Variants in TET1 observed in about 807,000 individuals in gnomAD.
The protein encoded by TET1 is methylcytosine dioxygenase TET1.
TET1 carries 13 observed loss-of-function variants against 148.7 expected under a neutral mutation model. The observed-to-expected ratio is 0.09, with a 90% confidence interval of 0.06 to 0.14. The LOEUF (loss-of-function observed/expected upper bound fraction) is 0.14, where lower values mean the gene tolerates loss of function less well. Ranked by LOEUF, TET1 falls within the 10% of genes least tolerant of loss-of-function variation. TET1 has a pLI of 1.00. For synonymous variants in TET1, 907 were observed against 937.2 expected, an observed-to-expected ratio of 0.97 and a Z score of 0.59; for missense variants, 2,182 against 2,553.8, an observed-to-expected ratio of 0.85 and a Z score of 3.14.
In TET1 at chr10:68,572,947, C is replaced by A; in HGVS notation, c.609C>A (p.Ile203=). 6.2e-7 allele frequency: 1 copy of A among 1,614,154 alleles called. No individual in the cohort carries two copies. Among genetic ancestry groups the A allele is most frequent in the Non-Finnish European group, 8.5e-7 (1 of 1,180,032 alleles). ...SQRVEDSKIN[I]PTHSGPAAEI... ...GAGTTGAGGATTCCAAGATCAATATCCCTACCCACAGTGGCCCTGCAGCTG... is the reference window on the plus strand; with the variant it reads ...GAGTTGAGGATTCCAAGATCAATATACCTACCCACAGTGGCCCTGCAGCTG... The change falls in exon 2 of 12, where the codon ATC becomes ATA. Residue 203 remains isoleucine, a synonymous_variant. Coordinates refer to ENST00000373644, the MANE Select transcript of TET1 (RefSeq NM_030625.3).
chr10:68,595,331 A>C (rs1256880168), intron 2 of TET1, among the ~76,000 whole-genome samples: 2 of 152,140 alleles, frequency 1.3e-5, no homozygotes, highest in African/African-American at 2.4e-5. Flanking sequence ...TGTAGCCCCC[A>C]AAATCAGAAG....
chr10:68,688,601 AT>A (rs533696584), intron 11 of TET1, among the ~76,000 whole-genome samples: 2 of 151,530 alleles, frequency 1.3e-5, no homozygotes, highest in African/African-American at 2.4e-5. Flanking sequence ...CGCCTGGCTA[AT>A]TTTTTTTATA....
At chr10:68,632,466 T>A (rs2054588381) in intron 3 of TET1, 1 of 1,612,792 alleles carries the variant, frequency 6.2e-7, no homozygotes. Flanking sequence ...GCGCCCGGCA[T>A]TCAATATTGT....
Position 68,690,875 on chromosome 10 carries a change from T to A in TET1, c.5472T>A (p.Ser1824Arg). 1 of 1,614,152 alleles carries A rather than the reference T, an allele frequency of 6.2e-7. No individual in the cohort carries two copies. The highest frequency in any genetic ancestry group is 8.5e-7 in the Non-Finnish European group (1 of 1,180,020). Residue 1824 changes from serine (S) to arginine (R), a missense_variant, in exon 12 of 12, where the codon AGT becomes AGA. This residue lies in a region of TET1 where 380 missense variants were observed against 387.9 expected (regional missense o/e 0.98). Transcript: ENST00000373644. ...SETEPHFILK[S>R]SDNTKTYSLM... is the part of the protein sequence containing the mutation. ...CCGAACCCCATTTTATCTTAAAAAG[T>A]TCAGACAACACTAAAACTTATTCGC...
In TET1 at chr10:68,592,252, G is replaced by T. The variant is rs377325078; in HGVS notation, c.1915-8729G>T. On this transcript the variant is annotated intron_variant, in intron 2 of 11. Transcript: ENST00000373644. ...AATTGCTTGAACCCAGGAGGCAGGG[G>T]TTGCAGTGAGCCGAGATCGTGCCAC... Among the ~76,000 whole-genome samples the T allele has an allele frequency of 2.2e-4, 34 of 151,250 alleles. 1 individual carries two copies. The East Asian group carries it at 3.2e-3, about 14-fold the overall frequency.
chr10:68,690,961 A>G lies in TET1; in HGVS notation c.5558A>G (p.Lys1853Arg). The change falls in exon 12 of 12, where the codon AAG becomes AGG. Residue 1853 changes from lysine (K) to arginine (R), a missense_variant. Lys to Arg is a conservative substitution (Grantham distance 26). Coordinates refer to ENST00000373644, the MANE Select transcript of TET1 (RefSeq NM_030625.3). ...TCTCCAGGCTTCTCCTGGTCCCCGA[A>G]GACTGCTTCAGCCACACCAGCTCCA... is the stretch of plus-strand genomic sequence containing the variant. ...EASPGFSWSPKTASATPAPLK... is the reference protein window; with the variant it reads ...EASPGFSWSPRTASATPAPLK... 1.2e-6 allele frequency: 2 copies of G among 1,614,242 alleles called. No homozygotes were observed. Among genetic ancestry groups the G allele is most frequent in the Non-Finnish European group, 1.7e-6 (2 of 1,180,044 alleles).
At chr10:68,658,910 A>T (rs1367025211) in intron 6 of TET1, among the ~76,000 whole-genome samples, 1 of 152,142 alleles carries the variant, frequency 6.6e-6, no homozygotes, top group African/African-American at 2.4e-5. Flanking sequence ...AATTAGCTGG[A>T]TGTCGTGAGT....
At chr10:68,595,590 AACACACACAC>A (rs143868696) in intron 2 of TET1, among the ~76,000 whole-genome samples, 1 of 146,060 alleles carries the variant, frequency 6.8e-6, no homozygotes, top group Non-Finnish European at 1.5e-5. Flanking sequence ...CTGAAGCCAC[AACACACACAC>A]ACACACAGCT....
At chr10:68,658,963 C>T (rs1291128205) in intron 6 of TET1, among the ~76,000 whole-genome samples, 2 of 152,130 alleles carry the variant, frequency 1.3e-5, no homozygotes, top group African/African-American at 2.4e-5. Flanking sequence ...CGTGGTGGCT[C>T]ATGCCTGTAA....
At chr10:68,598,185 C>A (rs917068210) in intron 2 of TET1, among the ~76,000 whole-genome samples, 18 of 152,134 alleles carry the variant, frequency 1.2e-4, no homozygotes, top group Non-Finnish European at 2.6e-4. Context: ...GGTCAAGAGT[C>A]CGAGACCAGC....
Position 68,621,237 on chromosome 10 carries a change from G to C in TET1, c.1968+20203G>C, listed in dbSNP as rs72797600. On this transcript the variant is annotated intron_variant, in intron 3 of 11. Transcript: ENST00000373644. ...GATTGCTTGAGCCTAGGTGTTTCTT[G>C]TTGTTGTTGTTGTTGTTGTTTTGAG... Among the ~76,000 whole-genome samples the C allele has an allele frequency of 1.2e-3, 185 of 151,756 alleles. 1 individual carries two copies. The highest frequency in any genetic ancestry group is 2.3e-3 in the Non-Finnish European group (157 of 67,930).
chr10:68,673,681 G>T (rs2055304817), intron 8 of TET1, among the ~76,000 whole-genome samples: 1 of 151,930 alleles, frequency 6.6e-6, no homozygotes, highest in African/African-American at 2.4e-5. Flanking sequence ...GTGTAGTGAG[G>T]ATTTATATAT....
chr10:68,632,940 AT>A (rs953078892), intron 3 of TET1, among the ~76,000 whole-genome samples: 7 of 151,646 alleles, frequency 4.6e-5, no homozygotes, highest in African/African-American at 1.7e-4. Flanking sequence ...TGGTATTTGA[AT>A]TTTAAAAAAA....
At chr10:68,592,623 A>G (rs2053931817) in intron 2 of TET1, among the ~76,000 whole-genome samples, 1 of 151,946 alleles carries the variant, frequency 6.6e-6, no homozygotes, top group Non-Finnish European at 1.5e-5. Context: ...CTTAACAACC[A>G]CACTGGAATG....
chr10:68,679,137 G>A (rs753581209), intron 8 of TET1, among the ~76,000 whole-genome samples: 22 of 152,176 alleles, frequency 1.4e-4, no homozygotes, highest in African/African-American at 4.3e-4. Flanking sequence ...AGATTGTGCC[G>A]CTGCACTCAC....
intron 3 of TET1, among the ~76,000 whole-genome samples, chr10:68,604,428 A>T (rs987931949): frequency 1.3e-5 from 2 of 152,182 alleles, no homozygotes; most frequent in Non-Finnish European, 2.9e-5. Flanking sequence ...ATGAAGGCAG[A>T]GCTATTACTA....
At chr10:68,639,191 A>T (rs114179899) in intron 3 of TET1, among the ~76,000 whole-genome samples, 2,338 of 150,532 alleles carry the variant, frequency 0.016, 49 homozygotes, top group African/African-American at 0.054. Context: ...TCTGTTGCTC[A>T]GGCTAGAGTG....
chr10:68,595,991 CACACA>C lies in TET1; in HGVS notation c.1915-4989_1915-4985del, dbSNP rs1389932770. ...ACACACACACACATATATACACACACACACACACACACACACACACACACACACAC... is the reference window on the plus strand; with the variant it reads ...ACACACACACACATATATACACACACCACACACACACACACACACACACAC... On this transcript the variant is annotated intron_variant, in intron 2 of 11. Transcript: ENST00000373644. Among the ~76,000 whole-genome samples the C allele has an allele frequency of 2.0e-4, 12 of 60,062 alleles. No individual in the cohort carries two copies. In the South Asian group the frequency reaches 2.9e-3, roughly 14 times the overall value. 39.4% of individuals were successfully genotyped at this position (60,062 alleles called of 152,430 possible). A position where few individuals can be genotyped will look rare whatever the true frequency, so the allele number is the denominator to read the frequency against.
At chr10:68,667,617 G>C (rs958423261) in intron 7 of TET1, among the ~76,000 whole-genome samples, 1 of 151,906 alleles carries the variant, frequency 6.6e-6, no homozygotes. Context: ...GGTGGCGGGC[G>C]CCTACAGTCC....
Sources: gnomAD v4.1 joint callset for allele counts (sites outside exome capture counted in the v4.1 genomes callset) on GRCh38, gnomAD v4.1.1 for gene constraint, gnomAD v4.1.1 regional missense constraint, MANE v1.5 for transcripts, NCBI Gene and HGNC (gene_info 2026-07-23, HGNC 2026-07-21) for gene names.